The following TMEM101 variants were observed in gnomAD, a reference collection of about 807,000 sequenced individuals.
The protein encoded by TMEM101 is putative NF-kappa-B-activating protein 130.
A neutral mutation model predicts 26.0 loss-of-function variants in TMEM101; 14 were observed. The observed-to-expected ratio is 0.54, with a 90% CI of 0.36 to 0.84. The LOEUF (loss-of-function observed/expected upper bound fraction) is 0.84, where lower values mean the gene tolerates loss of function less well. TMEM101 is among the 40% of genes least tolerant of loss of function. The pLI, the probability that TMEM101 is intolerant of heterozygous loss-of-function variation, is 0.01. For missense variants in TMEM101, 292 were observed against 345.1 expected (o/e 0.85, Z 1.22); for synonymous variants, 152 against 145.1 (o/e 1.05, Z -0.34).
chr17:44,011,754 C>A lies in TMEM101; in HGVS notation c.*174G>T, dbSNP rs2049160006. ...GCTCCTGCCCTCCCAAGCGCTGAGC[C>A]CAGAAATTTGGACAAATGAGCTGCC... On this transcript the variant is annotated 3_prime_UTR_variant, in exon 4 of 4. Transcript: ENST00000206380. The A allele has an allele frequency of 5.7e-6, 4 of 700,590 alleles. No individual in the cohort carries two copies. The highest frequency in any genetic ancestry group is 1.8e-5 in the African/African-American group (1 of 55,664). 43.4% of individuals were successfully genotyped at this position (700,590 alleles called of 1,614,324 possible).
At chr17:44,020,953 C>A (rs2049279187) in intron 2 of TMEM101, among the ~76,000 whole-genome samples, 1 of 152,180 alleles carries the variant, frequency 6.6e-6, no homozygotes, top group African/African-American at 2.4e-5. Flanking sequence ...TACTAGCAGA[C>A]AGGTTATTCT....
intron 2 of TMEM101, among the ~76,000 whole-genome samples, chr17:44,013,504 C>T (rs1357512921): frequency 1.3e-5 from 2 of 151,992 alleles, no homozygotes; most frequent in East Asian, 1.9e-4. Flanking sequence ...ACTGAAAATA[C>T]AAAAATTAGT....
chr17:44,017,720 G>A (rs1012388816), upstream of TMEM101, among the ~76,000 whole-genome samples: 1 of 149,960 alleles, frequency 6.7e-6, no homozygotes, highest in Non-Finnish European at 1.5e-5. Flanking sequence ...CCAAGTTCGC[G>A]CCATTGCACT....
At chr17:44,013,573 C>T (rs1406537781) in intron 2 of TMEM101, among the ~76,000 whole-genome samples, 1 of 152,234 alleles carries the variant, frequency 6.6e-6, no homozygotes, top group East Asian at 1.9e-4. Context: ...GCAGGAGAAT[C>T]GTTTGAACCT....
intron 3 of TMEM101, 194 bp from the exon 4 acceptor site, chr17:44,012,430 G>C (rs2049173461): frequency 1.7e-6 from 1 of 597,824 alleles, no homozygotes; most frequent in African/African-American, 1.9e-5. Context: ...TAGGGCCCAT[G>C]TCTCCCCTCA....
upstream of TMEM101, chr17:44,019,383 G>A (rs368062358): frequency 3.2e-5 from 13 of 408,608 alleles, no homozygotes; most frequent in African/African-American, 1.0e-4. Context: ...CCACTCGTCC[G>A]TGCACAGACG....
exon 2 of TMEM101, chr17:44,021,388 GT>G (rs1239311313): frequency 6.6e-6 from 1 of 152,186 alleles, no homozygotes; most frequent in Admixed American, 6.5e-5. Flanking sequence ...CAAGTTTGCA[GT>G]TATGGTGGAA....
chr17:44,014,325 A>G, intron 2 of TMEM101, 32 bp downstream of exon 2: 1 of 1,535,998 alleles, frequency 6.5e-7, no homozygotes, highest in Non-Finnish European at 8.8e-7. Context: ...CGTCACCCAG[A>G]GGGAAGACCC....
In TMEM101 at chr17:44,014,493, G is replaced by A. The variant is rs2049203009; in HGVS notation, c.182C>T (p.Ala61Val). 1.3e-6 allele frequency: 2 copies of A among 1,568,964 alleles called. No homozygotes were observed. Among genetic ancestry groups the A allele is most frequent in the South Asian group, 1.2e-5 (1 of 85,652 alleles). Residue 61 changes from alanine to valine, a missense_variant, in exon 2 of 4, where the codon GCA (alanine) becomes GTA (valine). Ala to Val is a moderately conservative substitution (Grantham distance 64). This residue lies in a region of TMEM101 where 143 missense variants were observed against 133.2 expected (regional missense o/e 1.07). Coordinates refer to ENST00000206380, the MANE Select transcript of TMEM101 (RefSeq NM_032376.4). ...PVPYLYFDMGAAVLCASFMSF... is the reference protein window; with the variant it reads ...PVPYLYFDMGVAVLCASFMSF... Reference sequence around the variant, plus strand: ...CATGAAACTAGCGCACAGCACGGCTGCCCCCATGTCGAAATACAGGTAAGG... The same window carrying A: ...CATGAAACTAGCGCACAGCACGGCTACCCCCATGTCGAAATACAGGTAAGG...
chr17:44,014,494 C>T lies in TMEM101; in HGVS notation c.181G>A (p.Ala61Thr), dbSNP rs2049203084. ...ATGAAACTAGCGCACAGCACGGCTG[C>T]CCCCATGTCGAAATACAGGTAAGGC... ...PVPYLYFDMG[A>T]AVLCASFMSF... The change falls in exon 2 of 4, where the codon GCA becomes ACA. Residue 61 changes from alanine (A) to threonine (T), a missense_variant. Ala to Thr is a moderately conservative substitution (Grantham distance 58). This residue lies in a region of TMEM101 where 143 missense variants were observed against 133.2 expected (regional missense o/e 1.07). Transcript: ENST00000206380. 6.4e-7 allele frequency: 1 copy of T among 1,569,226 alleles called. No homozygotes were observed. Among genetic ancestry groups the T allele is most frequent in the African/African-American group, 1.3e-5 (1 of 74,336 alleles).
At chr17:44,016,905 C>T (rs1351293624), upstream of TMEM101, among the ~76,000 whole-genome samples, 2 of 149,854 alleles carry the variant, frequency 1.3e-5, no homozygotes, top group Non-Finnish European at 1.5e-5. Context: ...GAGGCCGAGT[C>T]GGGTGGATCA....
chr17:44,022,262 G>A (rs1261320425), intron 1 of TMEM101, among the ~76,000 whole-genome samples: 2 of 152,170 alleles, frequency 1.3e-5, no homozygotes, highest in Non-Finnish European at 2.9e-5. Flanking sequence ...GTTTGTGCAG[G>A]TCCTTGAATT....
upstream of TMEM101, among the ~76,000 whole-genome samples, chr17:44,015,391 T>TTTTTG (rs975408314): frequency 6.6e-6 from 1 of 151,900 alleles, no homozygotes; most frequent in Non-Finnish European, 1.5e-5. Flanking sequence ...TTTTCTTTTT[T>TTTTTG]TTTTGTTTTG....
At chr17:44,015,682 C>T (rs1175668692), upstream of TMEM101, among the ~76,000 whole-genome samples, 1 of 152,132 alleles carries the variant, frequency 6.6e-6, no homozygotes, top group African/African-American at 2.4e-5. Flanking sequence ...CATGAGCCAC[C>T]GCGCCAGGCC....
upstream of TMEM101, among the ~76,000 whole-genome samples, chr17:44,016,498 A>G (rs918814332): frequency 2.0e-5 from 3 of 152,102 alleles, no homozygotes; most frequent in Admixed American, 2.0e-4. Flanking sequence ...TTTATTGACA[A>G]TCTTCCCCTA....
At chr17:44,017,600 A>C (rs941760336), upstream of TMEM101, among the ~76,000 whole-genome samples, 7 of 150,104 alleles carry the variant, frequency 4.7e-5, 1 homozygote, top group African/African-American at 9.8e-5. Context: ...TCTCAAAAAA[A>C]AAAAAAAAAA....
intron 1 of TMEM101, among the ~76,000 whole-genome samples, chr17:44,022,305 G>A (rs934140029): frequency 6.6e-6 from 1 of 152,202 alleles, no homozygotes; most frequent in Non-Finnish European, 1.5e-5. Context: ...TTTGAGATAG[G>A]AGCTGGGTTT....
chr17:44,015,002 C>A (rs1197455705), upstream of TMEM101: 1 of 1,553,954 alleles, frequency 6.4e-7, no homozygotes, highest in Non-Finnish European at 8.7e-7. Flanking sequence ...GAGAAGCAGG[C>A]GCGGGGATGG....
chr17:44,021,681 C>T (rs899874662), intron 1 of TMEM101, among the ~76,000 whole-genome samples: 3 of 152,210 alleles, frequency 2.0e-5, no homozygotes, highest in Non-Finnish European at 4.4e-5. Context: ...GCTACCAATT[C>T]AGCCAGCTGG....
Sources: gnomAD v4.1 joint callset for allele counts (sites outside exome capture counted in the v4.1 genomes callset) on GRCh38, gnomAD v4.1.1 for gene constraint, gnomAD v4.1.1 regional missense constraint, MANE v1.5 for transcripts, NCBI Gene and HGNC (gene_info 2026-07-23, HGNC 2026-07-21) for gene names.